Variants in PIK3C2G observed in about 807,000 individuals in gnomAD.
The protein encoded by PIK3C2G is phosphatidylinositol-4-phosphate 3-kinase catalytic subunit type 2 gamma, also known as phosphatidylinositol 3-kinase C2 domain-containing subunit gamma.
PIK3C2G carries 168 observed loss-of-function variants against 181.1 expected under a neutral mutation model. That is an observed-to-expected ratio of 0.93 (90% CI 0.82 to 1.05). The LOEUF is 1.05. PIK3C2G is among the 50% of genes least tolerant of loss of function. The pLI is 0.00. For missense variants in PIK3C2G, 1,869 were observed against 1,732.8 expected, an observed-to-expected ratio of 1.08 and a Z score of -1.40; for synonymous variants, 573 against 592.2, an observed-to-expected ratio of 0.97 and a Z score of 0.47.
chr12:18,560,000 T>C (rs1286806274), intron 26 of PIK3C2G, among the ~76,000 whole-genome samples: 8 of 151,058 alleles, frequency 5.3e-5, no homozygotes, highest in Non-Finnish European at 7.4e-5. Flanking sequence ...TCTGCCACCA[T>C]GCCTGGCTAA....
chr12:18,453,957 T>C (rs1947497825), intron 18 of PIK3C2G, among the ~76,000 whole-genome samples: 1 of 152,184 alleles, frequency 6.6e-6, no homozygotes, highest in African/African-American at 2.4e-5. Context: ...AGCATTTTAT[T>C]AATGTAAAGC....
At chr12:18,433,423 G>C (rs1946274931) in intron 18 of PIK3C2G, among the ~76,000 whole-genome samples, 1 of 152,118 alleles carries the variant, frequency 6.6e-6, no homozygotes, top group African/African-American at 2.4e-5. Flanking sequence ...TGAGGCAGGA[G>C]GCTGAGGCAG....
chr12:18,323,414 T>C (rs1951195365), intron 7 of PIK3C2G, among the ~76,000 whole-genome samples: 2 of 152,182 alleles, frequency 1.3e-5, no homozygotes, highest in South Asian at 4.1e-4. Flanking sequence ...CACACAAATA[T>C]TTAATCCCAT....
chr12:18,413,071 T>C (rs1944962267), intron 16 of PIK3C2G, among the ~76,000 whole-genome samples: 1 of 152,226 alleles, frequency 6.6e-6, no homozygotes, highest in Non-Finnish European at 1.5e-5. Flanking sequence ...ATTCTTTTTA[T>C]TAACCCTTAC....
chr12:18,711,074 C>A, the PIK3C2G span, among the ~76,000 whole-genome samples: 1 of 152,010 alleles, frequency 6.6e-6, no homozygotes, highest in South Asian at 2.1e-4. Context: ...GCTATAAAGA[C>A]ATATGCACAT....
At chr12:18,504,962 T>C (rs1317873092) in intron 23 of PIK3C2G, among the ~76,000 whole-genome samples, 1 of 152,194 alleles carries the variant, frequency 6.6e-6, no homozygotes, top group African/African-American at 2.4e-5. Context: ...AAAAAATCAT[T>C]CAATATTGTA....
At chr12:18,388,956 A>C (rs932003863) in intron 14 of PIK3C2G, among the ~76,000 whole-genome samples, 13 of 152,190 alleles carry the variant, frequency 8.5e-5, no homozygotes, top group African/African-American at 3.1e-4. Flanking sequence ...CTGTTGTTAA[A>C]ATAAGGAGTG....
chr12:18,337,297 C>A (rs6486901), intron 8 of PIK3C2G, among the ~76,000 whole-genome samples: 2 of 152,034 alleles, frequency 1.3e-5, no homozygotes, highest in African/African-American at 4.8e-5. Flanking sequence ...TATTTAAGAA[C>A]ATGTGTAAAT....
chr12:18,448,821 C>T (rs1344735138), intron 18 of PIK3C2G, among the ~76,000 whole-genome samples: 4 of 151,046 alleles, frequency 2.6e-5, no homozygotes, highest in Non-Finnish European at 4.4e-5. Flanking sequence ...TATACACACA[C>T]ATATATATAT....
chr12:18,577,810 T>C (rs1946309820), intron 29 of PIK3C2G, among the ~76,000 whole-genome samples: 1 of 152,220 alleles, frequency 6.6e-6, no homozygotes, highest in Non-Finnish European at 1.5e-5. Flanking sequence ...ATCTCACTTA[T>C]TATTTGCCCT....
intron 5 of PIK3C2G, among the ~76,000 whole-genome samples, chr12:18,300,748 T>G (rs989325888): frequency 1.3e-5 from 2 of 152,062 alleles, no homozygotes; most frequent in African/African-American, 4.8e-5. Context: ...AGGCGTAATA[T>G]TTTAGTTCTT....
At chr12:18,484,279 A>G (rs1036164690) in intron 18 of PIK3C2G, among the ~76,000 whole-genome samples, 3 of 152,202 alleles carry the variant, frequency 2.0e-5, no homozygotes, top group Non-Finnish European at 4.4e-5. Context: ...AACAGTGGGA[A>G]CATCATGAAT....
intron 26 of PIK3C2G, among the ~76,000 whole-genome samples, chr12:18,550,672 T>C (rs80063141): frequency 0.045 from 6,823 of 152,142 alleles, 339 homozygotes; most frequent in African/African-American, 0.13. Context: ...TTCTTTTTAT[T>C]TCTTTGTTCT....
chr12:18,275,916 G>A (rs1258087857), intron 1 of PIK3C2G, among the ~76,000 whole-genome samples: 1 of 152,032 alleles, frequency 6.6e-6, no homozygotes, highest in East Asian at 1.9e-4. Flanking sequence ...GCTCACAGTT[G>A]TAATGTAAAA....
chr12:18,292,043 T>A (rs545117016), intron 4 of PIK3C2G, among the ~76,000 whole-genome samples: 1 of 150,806 alleles, frequency 6.6e-6, no homozygotes, highest in South Asian at 2.1e-4. Flanking sequence ...ACCCCATCTC[T>A]ACTAAAAATA....
chr12:18,518,049 G>A (rs112693524), intron 24 of PIK3C2G, among the ~76,000 whole-genome samples: 56 of 152,222 alleles, frequency 3.7e-4, no homozygotes, highest in Admixed American at 2.2e-3. Context: ...ATTGATTTGC[G>A]TATGTTGAAC....
intron 18 of PIK3C2G, among the ~76,000 whole-genome samples, chr12:18,461,402 T>C (rs1947912401): frequency 6.6e-6 from 1 of 152,222 alleles, no homozygotes; most frequent in Admixed American, 6.5e-5. Context: ...GATGAACTTC[T>C]TTGTAGTTAA....
intron 5 of PIK3C2G, among the ~76,000 whole-genome samples, chr12:18,300,165 T>G (rs183467647): frequency 3.3e-5 from 5 of 151,826 alleles, no homozygotes; most frequent in African/African-American, 9.7e-5. Flanking sequence ...TCATCCTGAG[T>G]TTTTCCTTGC....
At chr12:18,665,618 C>A in the PIK3C2G span, among the ~76,000 whole-genome samples, 1 of 152,022 alleles carries the variant, frequency 6.6e-6, no homozygotes, top group Non-Finnish European at 1.5e-5. Flanking sequence ...CATAGTGAAA[C>A]CCTGTCTGTA....
Sources: gnomAD v4.1 joint callset for allele counts (sites outside exome capture counted in the v4.1 genomes callset) on GRCh38, gnomAD v4.1.1 for gene constraint, MANE v1.5 for transcripts, NCBI Gene and HGNC (gene_info 2026-07-23, HGNC 2026-07-21) for gene names.